The following STUM variants were observed in gnomAD, a reference collection of about 807,000 sequenced individuals.
The protein encoded by STUM is stum, mechanosensory transduction mediator homolog, also known as protein stum homolog.
A neutral mutation model predicts 15.3 loss-of-function variants in STUM; 8 were observed. That is an observed-to-expected ratio of 0.52 (90% CI 0.31 to 0.94). The LOEUF is 0.94. STUM is among the 40% of genes least tolerant of loss of function. The pLI, the probability that STUM is intolerant of heterozygous loss-of-function variation, is 0.05. For synonymous variants in STUM, 78 were observed against 88.7 expected (o/e 0.88, Z 0.68); for missense variants, 142 against 204.9 (o/e 0.69, Z 1.87).
Position 226,600,220 on chromosome 1 carries a change from G to C in STUM, c.383-446G>C, listed in dbSNP as rs1033397493. On this transcript the variant is annotated intron_variant, in intron 2 of 3. Transcript: ENST00000366788. The surrounding 1 kb of genome is among the most constrained non-coding windows in gnomAD (Gnocchi z 5.2). ...AGACTGAGGCAGGAGGATCACTTGA[G>C]ACCAGGAGTTTGAGGCTGCAGTGAG... Among the ~76,000 whole-genome samples the C allele has an allele frequency of 1.5e-4, 23 of 152,292 alleles. No individual in the cohort carries two copies. Among genetic ancestry groups the C allele is most frequent in the Admixed American group, 7.2e-4 (11 of 15,304 alleles).
At chr1:226,558,920 C>G (rs1232284574) in intron 1 of STUM, among the ~76,000 whole-genome samples, 1 of 152,148 alleles carries the variant, frequency 6.6e-6, no homozygotes, top group Non-Finnish European at 1.5e-5. Context: ...CCAGTGAGAA[C>G]TGGGTGCTGG....
intron 1 of STUM, among the ~76,000 whole-genome samples, chr1:226,568,665 C>T (rs1377511027): frequency 6.6e-6 from 1 of 152,246 alleles, no homozygotes; most frequent in Non-Finnish European, 1.5e-5. Context: ...TGCCTGCTGC[C>T]CCCTCTGGCA....
At chr1:226,585,860 A>G (rs971100561) in intron 1 of STUM, among the ~76,000 whole-genome samples, 6 of 152,230 alleles carry the variant, frequency 3.9e-5, no homozygotes, top group African/African-American at 1.4e-4. Context: ...AATACCATAG[A>G]CAGGGTAGCT....
At chr1:226,582,969 G>T (rs889947643) in intron 1 of STUM, among the ~76,000 whole-genome samples, 6 of 152,224 alleles carry the variant, frequency 3.9e-5, no homozygotes, top group Non-Finnish European at 8.8e-5. Flanking sequence ...GCTCAGGAGG[G>T]CATTTCTTTG....
chr1:226,573,386 G>A (rs1275071867), intron 1 of STUM, among the ~76,000 whole-genome samples: 1 of 152,228 alleles, frequency 6.6e-6, no homozygotes, highest in African/African-American at 2.4e-5. Flanking sequence ...ACCAACTCAA[G>A]CTGGTTTAAA....
intron 1 of STUM, among the ~76,000 whole-genome samples, chr1:226,557,928 T>C (rs1667473835): frequency 1.3e-5 from 2 of 152,160 alleles, no homozygotes; most frequent in Admixed American, 1.3e-4. Context: ...TTTGACAAAA[T>C]TCAACATCCT....
chr1:226,602,187 T>C lies in STUM; in HGVS notation c.*147T>C, dbSNP rs1014371773. ...GTATTTTTAAAAATATTATTTATTT[T>C]GAAAACGCATCTGCTTTTCTCAGCA... On this transcript the variant is annotated 3_prime_UTR_variant, in exon 4 of 4. Coordinates refer to ENST00000366788, the MANE Select transcript of STUM (RefSeq NM_001003665.4). 9.5e-6 allele frequency: 6 copies of C among 633,496 alleles called. No homozygotes were observed. The highest frequency in any genetic ancestry group is 1.6e-5 in the Non-Finnish European group (6 of 365,560). 39.2% of individuals were successfully genotyped at this position (633,496 alleles called of 1,614,324 possible).
At chr1:226,554,121 GC>G (rs1159695686) in intron 1 of STUM, among the ~76,000 whole-genome samples, 1 of 152,226 alleles carries the variant, frequency 6.6e-6, no homozygotes, top group African/African-American at 2.4e-5. Flanking sequence ...CATATTCCAT[GC>G]CGAACAGACA....
At chr1:226,577,432 C>T (rs1460114798) in intron 1 of STUM, among the ~76,000 whole-genome samples, 2 of 152,144 alleles carry the variant, frequency 1.3e-5, no homozygotes, top group African/African-American at 4.8e-5. Context: ...CTCGGGAAGT[C>T]TCCAGGGCTG....
chr1:226,553,685 A>C (rs970130204), intron 1 of STUM, among the ~76,000 whole-genome samples: 3 of 152,262 alleles, frequency 2.0e-5, no homozygotes, highest in African/African-American at 2.4e-5. Context: ...GTGGAATGTA[A>C]GAAAGGCTCT....
chr1:226,597,308 C>A, intron 2 of STUM: 1 of 527,374 alleles, frequency 1.9e-6, no homozygotes, highest in Middle Eastern at 3.0e-4. Flanking sequence ...ACTCAGTTAC[C>A]CTTTCTAAAA....
At chr1:226,574,080 C>T (rs1667765707) in intron 1 of STUM, among the ~76,000 whole-genome samples, 1 of 152,218 alleles carries the variant, frequency 6.6e-6, no homozygotes, top group Admixed American at 6.5e-5. Context: ...AAATGATCCT[C>T]CAGCCTCAGC....
chr1:226,575,548 G>A (rs577211882), intron 1 of STUM, among the ~76,000 whole-genome samples: 4 of 152,334 alleles, frequency 2.6e-5, no homozygotes, highest in South Asian at 2.1e-4. Context: ...GGAACAGAGT[G>A]GGGGGTGGCT....
At chr1:226,564,957 C>A (rs1667598511) in intron 1 of STUM, among the ~76,000 whole-genome samples, 2 of 152,198 alleles carry the variant, frequency 1.3e-5, no homozygotes, top group African/African-American at 4.8e-5. Flanking sequence ...CTCCCCTGCC[C>A]TCCCCCATGC....
At chr1:226,576,268 G>A (rs1667813569) in intron 1 of STUM, among the ~76,000 whole-genome samples, 1 of 152,234 alleles carries the variant, frequency 6.6e-6, no homozygotes, top group South Asian at 2.1e-4. Context: ...TGGGCAAGGG[G>A]CTAGGGGGAC....
At chr1:226,601,415 A>G (rs1668260389) in intron 3 of STUM, among the ~76,000 whole-genome samples, 1 of 152,192 alleles carries the variant, frequency 6.6e-6, no homozygotes, top group South Asian at 2.1e-4. Flanking sequence ...AACAAACACA[A>G]TACCCTTTCA....
At chr1:226,589,834 A>G (rs1668058064) in intron 1 of STUM, among the ~76,000 whole-genome samples, 2 of 152,170 alleles carry the variant, frequency 1.3e-5, no homozygotes, top group African/African-American at 4.8e-5. Flanking sequence ...GTGAAAGGCC[A>G]GAATCATGGA....
chr1:226,551,141 T>C (rs1667369730), intron 1 of STUM, among the ~76,000 whole-genome samples: 1 of 152,024 alleles, frequency 6.6e-6, no homozygotes, highest in African/African-American at 2.4e-5. Context: ...CTCCTGCTCC[T>C]CTCCACACGG....
intron 1 of STUM, among the ~76,000 whole-genome samples, chr1:226,583,944 C>T (rs996849039): frequency 4.6e-5 from 7 of 152,146 alleles, no homozygotes; most frequent in Non-Finnish European, 1.0e-4. Context: ...ACATGTTGCC[C>T]AGTGACACTC....
Sources: allele counts gnomAD v4.1 joint callset (sites outside exome capture counted in the v4.1 genomes callset), GRCh38; gene constraint gnomAD v4.1.1; non-coding constraint Gnocchi (gnomAD v3.1); transcripts MANE v1.5; gene names NCBI Gene and HGNC (gene_info 2026-07-23, HGNC 2026-07-21).